CDH2: variants seen among roughly 807,000 people sequenced by gnomAD.
CDH2 encodes cadherin-2.
In CDH2, 17 loss-of-function variants were observed where a neutral mutation model predicts 92.0. The observed-to-expected ratio is 0.18, with a 90% CI of 0.13 to 0.28. The LOEUF (loss-of-function observed/expected upper bound fraction) is 0.28, where lower values mean the gene tolerates loss of function less well. CDH2 is among the 10% of genes least tolerant of loss of function. CDH2 has a pLI of 1.00. For synonymous variants in CDH2, 419 were observed against 415.9 expected (o/e 1.01, Z -0.09); for missense variants, 862 against 1,133.1 (o/e 0.76, Z 3.44).
At chr18:28,026,271 AC>A (rs1325590705) in intron 2 of CDH2, among the ~76,000 whole-genome samples, 1 of 152,156 alleles carries the variant, frequency 6.6e-6, no homozygotes, top group Admixed American at 6.6e-5. Flanking sequence ...AAATGAGACC[AC>A]TGAAGTTCTA....
chr18:27,989,395 G>T (rs1167938781), intron 10 of CDH2, among the ~76,000 whole-genome samples: 2 of 152,052 alleles, frequency 1.3e-5, no homozygotes, highest in African/African-American at 4.8e-5. Flanking sequence ...TTTATTAATA[G>T]TTATCTTGAT....
At position 28,011,833 on chromosome 18, in the gene CDH2, T is replaced by A; in HGVS notation, c.546+13A>T. The A allele has an allele frequency of 6.2e-7, 1 of 1,611,368 alleles. No homozygotes were observed. The highest frequency in any genetic ancestry group is 8.5e-7 in the Non-Finnish European group (1 of 1,178,910). ...CTTGTGGTATGAAAACAGTTAAAAT[T>A]GTGCCACCTTACCCTGACAAGCTCT... On this transcript the variant is annotated intron_variant, in intron 4 of 15. Transcript: ENST00000269141.
intron 2 of CDH2, among the ~76,000 whole-genome samples, chr18:28,019,891 A>G (rs1477798369): frequency 1.3e-5 from 2 of 152,144 alleles, no homozygotes; most frequent in African/African-American, 4.8e-5. Context: ...CTTAGATAAA[A>G]CTAAGTCAAC....
chr18:28,173,935 C>T (rs2144375223), intron 1 of CDH2, among the ~76,000 whole-genome samples: 1 of 152,080 alleles, frequency 6.6e-6, no homozygotes, highest in East Asian at 1.9e-4. Flanking sequence ...AAGCTGAATG[C>T]TCAAATTCGG....
In CDH2 at chr18:28,143,181, G is replaced by A. The variant is rs1003786860; in HGVS notation, c.172+4492C>T. 4.6e-5 allele frequency among the ~76,000 whole-genome samples: 7 copies of A among 152,086 alleles called. No individual in the cohort carries two copies. The East Asian group carries it at 1.4e-3, about 29-fold the overall frequency. ...GCTATTTCTGTTGACCAGATTCAGAGGAGTTTACTTAGAGAAATATCTAAG... is the reference window on the plus strand; with the variant it reads ...GCTATTTCTGTTGACCAGATTCAGAAGAGTTTACTTAGAGAAATATCTAAG... On this transcript the variant is annotated intron_variant, in intron 2 of 15. Coordinates refer to ENST00000269141, the MANE Select transcript of CDH2 (RefSeq NM_001792.5).
At chr18:28,157,407 T>C (rs986212417) in intron 1 of CDH2, among the ~76,000 whole-genome samples, 4 of 152,340 alleles carry the variant, frequency 2.6e-5, no homozygotes, top group South Asian at 4.1e-4. Context: ...CCATGCAATA[T>C]ATCTTAAATA....
At chr18:28,060,356 T>C (rs1326982583) in intron 2 of CDH2, among the ~76,000 whole-genome samples, 1 of 152,120 alleles carries the variant, frequency 6.6e-6, no homozygotes, top group African/African-American at 2.4e-5. Flanking sequence ...CAGCTAATTT[T>C]TCATATTTTT....
Position 28,011,981 on chromosome 18 carries a change from T to C in CDH2, c.411A>G (p.Glu137=), listed in dbSNP as rs1385192895. 1.9e-6 allele frequency: 3 copies of C among 1,613,492 alleles called. No homozygotes were observed. In the African/African-American group the frequency reaches 4.0e-5, roughly 22 times the overall value. ...LTEESVKESA[E]VEEIVFPRQF... is the part of the protein sequence containing the mutation. ...GTCTTGGGAACACTATTTCTTCAAC[T>C]TCTGCTGACTCCTTTACATTAAAAT... Residue 137 remains glutamate, a synonymous_variant, in exon 4 of 16, where the codon GAA becomes GAG. Transcript: ENST00000269141.
At chr18:27,986,658 G>C (rs1216869068) in intron 11 of CDH2, among the ~76,000 whole-genome samples, 1 of 152,164 alleles carries the variant, frequency 6.6e-6, no homozygotes, top group Non-Finnish European at 1.5e-5. Flanking sequence ...CAAAGGTCAT[G>C]CAACTAGGAA....
chr18:28,015,841 T>C (rs1279225053), intron 2 of CDH2, among the ~76,000 whole-genome samples: 1 of 152,220 alleles, frequency 6.6e-6, no homozygotes, highest in East Asian at 1.9e-4. Context: ...ACATTATATG[T>C]CAGATCTTTA....
intron 2 of CDH2, among the ~76,000 whole-genome samples, chr18:28,102,856 G>T (rs1051141169): frequency 1.3e-5 from 2 of 151,686 alleles, no homozygotes; most frequent in African/African-American, 4.8e-5. Context: ...AGTTTATGGT[G>T]AGCAATGCTA....
At chr18:28,148,433 T>C (rs558840455) in intron 1 of CDH2, among the ~76,000 whole-genome samples, 2 of 152,310 alleles carry the variant, frequency 1.3e-5, no homozygotes, top group East Asian at 3.9e-4. Context: ...TCATTTTCTA[T>C]ATCATCATAT....
chr18:28,027,441 G>A (rs2013583440), intron 2 of CDH2, among the ~76,000 whole-genome samples: 1 of 151,828 alleles, frequency 6.6e-6, no homozygotes, highest in South Asian at 2.1e-4. Flanking sequence ...TCCAGGAAAA[G>A]TCATGTCATA....
chr18:28,063,181 AT>A (rs1323394309), intron 2 of CDH2, among the ~76,000 whole-genome samples: 2 of 152,172 alleles, frequency 1.3e-5, no homozygotes, highest in Non-Finnish European at 2.9e-5. Flanking sequence ...ATTAAAAACT[AT>A]TTGGGAAAAA....
chr18:27,998,012 T>C (rs1436961084), intron 7 of CDH2, among the ~76,000 whole-genome samples: 6 of 152,028 alleles, frequency 3.9e-5, no homozygotes, highest in East Asian at 3.9e-4. Flanking sequence ...TTCACCGTGT[T>C]AGCCAGGATG....
intron 2 of CDH2, among the ~76,000 whole-genome samples, chr18:28,082,865 G>C (rs2014857626): frequency 6.6e-6 from 1 of 152,176 alleles, no homozygotes; most frequent in Non-Finnish European, 1.5e-5. Flanking sequence ...TTTCAGCACT[G>C]GTGGAAGGCT....
At chr18:28,112,156 GA>G (rs1458604942) in intron 2 of CDH2, among the ~76,000 whole-genome samples, 1 of 152,192 alleles carries the variant, frequency 6.6e-6, no homozygotes, top group Non-Finnish European at 1.5e-5. Flanking sequence ...TCAGCAGATA[GA>G]GCATGAATCA....
Position 28,172,074 on chromosome 18 carries a change from G to A in CDH2, c.60+4889C>T, listed in dbSNP as rs1056160697. Among the ~76,000 whole-genome samples, 3 of 144,574 alleles carry A rather than the reference G, an allele frequency of 2.1e-5. No individual in the cohort carries two copies. The East Asian group carries it at 5.9e-4, about 28-fold the overall frequency. The allele number at this position is 144,574 out of a possible 152,430, so 94.8% of individuals were successfully genotyped here. A position where few individuals can be genotyped will look rare whatever the true frequency, so the allele number is the denominator to read the frequency against. On this transcript the variant is annotated intron_variant, in intron 1 of 15. Transcript: ENST00000269141. ...ATATAGCAGTCCTCAACATACATTT[G>A]GGGTGTGTGTGTGTGTGTGTGTGTG...
At chr18:28,068,145 C>T (rs2014545758) in intron 2 of CDH2, among the ~76,000 whole-genome samples, 1 of 152,190 alleles carries the variant, frequency 6.6e-6, no homozygotes, top group Non-Finnish European at 1.5e-5. Flanking sequence ...AAGGGAGGAT[C>T]CCACCGCTGA....
Sources: gnomAD v4.1 joint callset for allele counts (sites outside exome capture counted in the v4.1 genomes callset) on GRCh38, gnomAD v4.1.1 for gene constraint, MANE v1.5 for transcripts, NCBI Gene and HGNC (gene_info 2026-07-23, HGNC 2026-07-21) for gene names.